Variants in RNASE4 observed in about 807,000 individuals in gnomAD.
The protein encoded by RNASE4 is ribonuclease 4.
For missense variants in RNASE4, 194 were observed against 192.8 expected, an observed-to-expected ratio of 1.01 and a Z score of -0.04; for synonymous variants, 93 against 71.4, an observed-to-expected ratio of 1.30 and a Z score of -1.52.
intron 1 of RNASE4, among the ~76,000 whole-genome samples, chr14:20,697,478 A>G (rs1887131979): frequency 6.6e-6 from 1 of 152,172 alleles, no homozygotes; most frequent in African/African-American, 2.4e-5. Flanking sequence ...GATATGACAT[A>G]CAGCTTGATA....
chr14:20,697,243 A>G (rs1177952519), intron 1 of RNASE4, among the ~76,000 whole-genome samples: 1 of 152,228 alleles, frequency 6.6e-6, no homozygotes. Flanking sequence ...AATCAGGATG[A>G]GAGAAAGTAG....
At chr14:20,692,608 AAT>A in intron 1 of RNASE4, among the ~76,000 whole-genome samples, 1 of 152,336 alleles carries the variant, frequency 6.6e-6, no homozygotes, top group East Asian at 1.9e-4. Context: ...GAATCTAACT[AAT>A]GCTTGATGAT....
chr14:20,699,321 C>T, intron 1 of RNASE4, 34 bp from the exon 2 acceptor site: 1 of 1,517,348 alleles, frequency 6.6e-7, no homozygotes, highest in South Asian at 1.3e-5. Flanking sequence ...CCAGTTCTTA[C>T]CTTATTTCTC....
chr14:20,693,543 G>T lies in RNASE4; in HGVS notation c.-17-5812G>T, dbSNP rs373669465. ...TCTACCACACCTCCTTTTGCCCTCCGCAGGAGCCTGTGTTGGAAGAGATGG... is the reference window on the plus strand; with the variant it reads ...TCTACCACACCTCCTTTTGCCCTCCTCAGGAGCCTGTGTTGGAAGAGATGG... On this transcript the variant is annotated intron_variant, in intron 1 of 1. Coordinates refer to ENST00000555835, the MANE Select transcript of RNASE4 (RefSeq NM_002937.5). The T allele has an allele frequency of 1.1e-5, 18 of 1,610,306 alleles. No homozygotes were observed. The African/African-American group carries it at 1.9e-4, about 17-fold the overall frequency.
At chr14:20,689,551 G>A (rs1225033728) in intron 1 of RNASE4, among the ~76,000 whole-genome samples, 1 of 152,214 alleles carries the variant, frequency 6.6e-6, no homozygotes, top group Non-Finnish European at 1.5e-5. Flanking sequence ...AACATTGCCT[G>A]TGGGGAGAGG....
At chr14:20,698,063 T>C (rs1006543248) in intron 1 of RNASE4, among the ~76,000 whole-genome samples, 1 of 152,192 alleles carries the variant, frequency 6.6e-6, no homozygotes, top group African/African-American at 2.4e-5. Flanking sequence ...AGGCAGTAGA[T>C]AGTGGAAAGA....
At chr14:20,690,237 A>G (rs868234643) in intron 1 of RNASE4, among the ~76,000 whole-genome samples, 2 of 150,372 alleles carry the variant, frequency 1.3e-5, no homozygotes, top group South Asian at 2.1e-4. Context: ...AAAAAAAAAA[A>G]AAAAAAAAAA....
chr14:20,696,561 G>C (rs571257873), intron 1 of RNASE4, among the ~76,000 whole-genome samples: 1 of 152,176 alleles, frequency 6.6e-6, no homozygotes, highest in Non-Finnish European at 1.5e-5. Context: ...CATTTTTCTA[G>C]GAATCTAGTA....
intron 1 of RNASE4, among the ~76,000 whole-genome samples, chr14:20,689,491 G>A (rs988250266): frequency 1.3e-5 from 2 of 152,210 alleles, no homozygotes; most frequent in Non-Finnish European, 2.9e-5. Context: ...ATCATAAACT[G>A]TCAAGTTAAC....
chr14:20,694,304 T>G (rs935138274), intron 1 of RNASE4: 4 of 393,088 alleles, frequency 1.0e-5, no homozygotes, highest in Middle Eastern at 7.5e-4. Context: ...TTCGTTTTTT[T>G]TTTTTTTTTT....
In RNASE4 at chr14:20,700,373, G is replaced by A. The variant is rs1019596807; in HGVS notation, c.*558G>A. 5 of 167,056 alleles carry A rather than the reference G, an allele frequency of 3.0e-5. No individual in the cohort carries two copies. Among genetic ancestry groups the A allele is most frequent in the African/African-American group, 1.2e-4 (5 of 41,438 alleles). The allele number at this position is 167,056 out of a possible 1,614,324, so 10.3% of individuals were successfully genotyped here. A position where few individuals can be genotyped will look rare whatever the true frequency, so the allele number is the denominator to read the frequency against. On this transcript the variant is annotated 3_prime_UTR_variant, in exon 2 of 2. Transcript: ENST00000555835. ...AGGGAGGCATTAAAAATTTGGAAATGTATGCCAGCAAAATGTGAGCTCTGT... is the reference window on the plus strand; with the variant it reads ...AGGGAGGCATTAAAAATTTGGAAATATATGCCAGCAAAATGTGAGCTCTGT...
rs1424109102 is a variant in RNASE4 at position 20,699,837 on chromosome 14, C to T, written c.*22C>T. The T allele has an allele frequency of 1.9e-6, 3 of 1,604,616 alleles. No homozygotes were observed. Among genetic ancestry groups the T allele is most frequent in the Non-Finnish European group, 2.6e-6 (3 of 1,173,542 alleles). ...TTAGATGCCACCATGTAGGGATTAT[C>T]GCGAGTGGTTGACCTTACACTTACT... On this transcript the variant is annotated 3_prime_UTR_variant, in exon 2 of 2. Coordinates refer to ENST00000555835, the MANE Select transcript of RNASE4 (RefSeq NM_002937.5).
chr14:20,691,568 A>G (rs1886749286), intron 1 of RNASE4, among the ~76,000 whole-genome samples: 1 of 152,162 alleles, frequency 6.6e-6, no homozygotes, highest in Admixed American at 6.5e-5. Context: ...ACAATCATGT[A>G]CCTCTTTCTT....
chr14:20,699,750 A>G lies in RNASE4; in HGVS notation c.379A>G (p.Ser127Gly). 1 of 1,611,768 alleles carries G rather than the reference A, an allele frequency of 6.2e-7. No individual in the cohort carries two copies. The highest frequency in any genetic ancestry group is 8.5e-7 in the Non-Finnish European group (1 of 1,180,020). ...CAACTGCAGATATCGGGCCATAGCG[A>G]GCACTAGACGTGTTGTCATTGCCTG... ...APNCRYRAIASTRRVVIACEG... is the reference protein window; with the variant it reads ...APNCRYRAIAGTRRVVIACEG... The change falls in exon 2 of 2, where the codon AGC (serine) becomes GGC (glycine). Residue 127 changes from serine (S) to glycine (G), a missense_variant. By Grantham distance (56) the Ser-to-Gly change is moderately conservative. Coordinates refer to ENST00000555835, the MANE Select transcript of RNASE4 (RefSeq NM_002937.5).
chr14:20,696,183 A>G (rs770753809), intron 1 of RNASE4, among the ~76,000 whole-genome samples: 1 of 152,150 alleles, frequency 6.6e-6, no homozygotes, highest in Non-Finnish European at 1.5e-5. Flanking sequence ...TTCTCCAAAC[A>G]TCTGCTTGGA....
In RNASE4 at chr14:20,700,092, T is replaced by G. The variant is rs912071295; in HGVS notation, c.*277T>G. On this transcript the variant is annotated 3_prime_UTR_variant, in exon 2 of 2. Coordinates refer to ENST00000555835, the MANE Select transcript of RNASE4 (RefSeq NM_002937.5). ...CCTATCCTGTGGAATTTAGTTATTA[T>G]GTGTATTTATGTAGTATTTCAAACA... 6.7e-5 allele frequency: 27 copies of G among 403,646 alleles called. No homozygotes were observed. Among genetic ancestry groups the G allele is most frequent in the Non-Finnish European group, 4.2e-5 (9 of 214,944 alleles). 25.0% of individuals were successfully genotyped at this position (403,646 alleles called of 1,614,324 possible). A position where few individuals can be genotyped will look rare whatever the true frequency, so the allele number is the denominator to read the frequency against.
intron 1 of RNASE4, among the ~76,000 whole-genome samples, chr14:20,689,915 CAAA>C (rs58958050): frequency 2.5e-5 from 3 of 121,544 alleles, no homozygotes; most frequent in Non-Finnish European, 5.2e-5. Context: ...GACTCTGTCT[CAAA>C]AAAAAAAAAA....
chr14:20,694,907 T>C (rs890111351), intron 1 of RNASE4, among the ~76,000 whole-genome samples: 3 of 152,146 alleles, frequency 2.0e-5, no homozygotes, highest in African/African-American at 7.2e-5. Flanking sequence ...TAATCCAGCA[T>C]GAATACCAAA....
intron 1 of RNASE4, chr14:20,693,513 TTGGGTCTA>T: frequency 1.2e-6 from 2 of 1,605,814 alleles, no homozygotes; most frequent in South Asian, 2.2e-5. Context: ...GATGCTGTTC[TTGGGTCTA>T]CCACACCTCC....
Sources: allele counts gnomAD v4.1 joint callset (sites outside exome capture counted in the v4.1 genomes callset), GRCh38; gene constraint gnomAD v4.1.1; transcripts MANE v1.5; gene names NCBI Gene and HGNC (gene_info 2026-07-23, HGNC 2026-07-21).